Variants in CPSF7 observed in about 807,000 individuals in gnomAD.
CPSF7 encodes the protein cleavage and polyadenylation specificity factor subunit 7.
CPSF7 carries 1 observed loss-of-function variant against 44.3 expected under a neutral mutation model. The ratio of observed to expected loss-of-function variants is 0.02; its 90% CI spans 0.01 to 0.11. The LOEUF (loss-of-function observed/expected upper bound fraction) is 0.11, where lower values mean the gene tolerates loss of function less well. CPSF7 is among the 10% of genes least tolerant of loss of function. The probability of loss-of-function intolerance (pLI) is 1.00; values close to 1 mark genes in which losing one functional copy is unlikely to be tolerated. For synonymous variants in CPSF7, 202 were observed against 222.0 expected, an observed-to-expected ratio of 0.91 and a Z score of 0.80; for missense variants, 443 against 607.2, an observed-to-expected ratio of 0.73 and a Z score of 2.84.
chr11:61,411,404 A>C (rs1859836915), intron 8 of CPSF7, among the ~76,000 whole-genome samples: 2 of 152,192 alleles, frequency 1.3e-5, no homozygotes, highest in African/African-American at 2.4e-5. Context: ...CCTTTTTTAG[A>C]AAATGAGAAA....
rs369404697 is a variant in CPSF7, at chr11:61,410,182, C to T, written c.*5+756G>A. Among the ~76,000 whole-genome samples, 7 of 152,096 alleles carry T rather than the reference C, an allele frequency of 4.6e-5. No individual in the cohort carries two copies. The East Asian group carries it at 5.8e-4, about 13-fold the overall frequency. On this transcript the variant is annotated intron_variant, in intron 9 of 9. Coordinates refer to ENST00000439958, the MANE Select transcript of CPSF7 (RefSeq NM_001142565.3). Reference sequence around the variant, plus strand: ...GTGCAATCACAGATCACTGCAGCCTCGACCTCCTAGGCTCAAGCAACCCTC... The same window carrying T: ...GTGCAATCACAGATCACTGCAGCCTTGACCTCCTAGGCTCAAGCAACCCTC...
chr11:61,411,263 T>C (rs887643173), intron 8 of CPSF7, among the ~76,000 whole-genome samples, 158 bp from the exon 9 acceptor site: 1 of 152,200 alleles, frequency 6.6e-6, no homozygotes, highest in Admixed American at 6.5e-5. Flanking sequence ...GACTACTCTT[T>C]TTTGGGAAGA....
At position 61,429,567 on chromosome 11, in the gene CPSF7, G is replaced by A. The variant is rs547561349; in HGVS notation, c.-55-277C>T. ...GGAAAAGTCCCACCCTCGGGTCCTA[G>A]TGGCCCTAGGACGGCGTTGCGAAGA... On this transcript the variant is annotated intron_variant, in intron 1 of 9. Transcript: ENST00000439958. 1.9e-5 allele frequency: 12 copies of A among 625,954 alleles called. No individual in the cohort carries two copies. The South Asian group carries it at 2.3e-4, about 12-fold the overall frequency. 38.8% of individuals were successfully genotyped at this position (625,954 alleles called of 1,614,324 possible). A position where few individuals can be genotyped will look rare whatever the true frequency, so the allele number is the denominator to read the frequency against.
chr11:61,409,792 G>A (rs1590672628), intron 9 of CPSF7, among the ~76,000 whole-genome samples: 1 of 151,876 alleles, frequency 6.6e-6, no homozygotes, highest in Admixed American at 6.6e-5. Context: ...TGGCCAGTAT[G>A]GTAAAGCCCC....
chr11:61,414,259 C>T (rs531001163), intron 7 of CPSF7, among the ~76,000 whole-genome samples: 5 of 150,080 alleles, frequency 3.3e-5, no homozygotes, highest in Admixed American at 1.3e-4. Flanking sequence ...AAGCAATTCT[C>T]AATTCTCGTG....
chr11:61,427,583 G>A (rs1263175680), intron 2 of CPSF7, among the ~76,000 whole-genome samples: 1 of 151,174 alleles, frequency 6.6e-6, no homozygotes, highest in African/African-American at 2.4e-5. Flanking sequence ...AACCTGGGAG[G>A]CAGAGGTTGC....
chr11:61,409,284 C>T (rs1208464668), intron 9 of CPSF7, among the ~76,000 whole-genome samples: 1 of 151,850 alleles, frequency 6.6e-6, no homozygotes, highest in Non-Finnish European at 1.5e-5. Context: ...CCAGCCTGGC[C>T]GAGATGATGA....
chr11:61,408,125 C>T (rs1022692028), intron 9 of CPSF7, among the ~76,000 whole-genome samples: 6 of 149,794 alleles, frequency 4.0e-5, no homozygotes, highest in Non-Finnish European at 8.8e-5. Context: ...GGCGCGATCT[C>T]GGCTCACTGC....
At chr11:61,420,613 C>A in intron 3 of CPSF7, 40 bp from the exon 4 acceptor site, 1 of 1,504,958 alleles carries the variant, frequency 6.6e-7, no homozygotes, top group East Asian at 2.3e-5. Flanking sequence ...ATGTCAAGAG[C>A]TACACCCCCG....
Position 61,416,095 on chromosome 11 carries a change from T to C in CPSF7, c.938+10A>G, listed in dbSNP as rs757716124. The C allele has an allele frequency of 2.7e-6, 4 of 1,498,690 alleles. No homozygotes were observed. Among genetic ancestry groups the C allele is most frequent in the South Asian group, 1.4e-5 (1 of 70,742 alleles). 92.8% of individuals were successfully genotyped at this position (1,498,690 alleles called of 1,614,324 possible). On this transcript the variant is annotated intron_variant, in intron 6 of 9. Transcript: ENST00000439958. ...CCTGGCTCAAATCTGAAAGGAACAA[T>C]AGTCCTTACCTGCCATGGTGGTTAT...
rs529529681 is a variant in CPSF7 at position 61,404,143 on chromosome 11, A to C, written c.*567T>G. ...GCAGGAACAGAAGTAGCTTTTCATA[A>C]GGTAATTTCTGTTCTCATGGTCCCT... is the stretch of plus-strand genomic sequence containing the variant. On this transcript the variant is annotated 3_prime_UTR_variant, in exon 10 of 10. Transcript: ENST00000439958. The C allele has an allele frequency of 5.2e-5, 8 of 152,796 alleles. No homozygotes were observed. Among genetic ancestry groups the C allele is most frequent in the African/African-American group, 1.7e-4 (7 of 41,584 alleles). The allele number at this position is 152,796 out of a possible 1,614,324, so 9.5% of individuals were successfully genotyped here.
At chr11:61,427,026 C>CAAAAA (rs71471825) in intron 2 of CPSF7, 482 of 13,664 alleles carry the variant, frequency 0.035, 42 homozygotes, top group African/African-American at 0.051. Context: ...GACTCTGTCT[C>CAAAAA]AAAAAAAAAA....
chr11:61,420,992 A>G, intron 3 of CPSF7: 1 of 977,126 alleles, frequency 1.0e-6, no homozygotes, highest in Non-Finnish European at 1.4e-6. Flanking sequence ...CTTGCAGAAC[A>G]ACAGTCACCA....
intron 9 of CPSF7, among the ~76,000 whole-genome samples, chr11:61,405,179 C>G (rs941984321): frequency 6.6e-6 from 1 of 152,130 alleles, no homozygotes; most frequent in Non-Finnish European, 1.5e-5. Flanking sequence ...CAAGTATGTA[C>G]ACAACCAAAT....
At chr11:61,429,822 C>G in intron 1 of CPSF7, 92 bp downstream of exon 1, 2 of 1,548,290 alleles carry the variant, frequency 1.3e-6, no homozygotes, top group Non-Finnish European at 1.7e-6. Flanking sequence ...CAGACTCCGG[C>G]CGTCCCATCT....
intron 3 of CPSF7, 132 bp downstream of exon 3, chr11:61,421,258 C>G (rs772638064): frequency 9.7e-7 from 1 of 1,026,012 alleles, no homozygotes. Context: ...TCAATCCAAC[C>G]TGATCCCAGG....
At chr11:61,427,924 T>C (rs1861545726) in intron 2 of CPSF7, among the ~76,000 whole-genome samples, 1 of 152,240 alleles carries the variant, frequency 6.6e-6, no homozygotes. Context: ...CCGCCTCTTC[T>C]GTTGCCTCAT....
At chr11:61,421,662 C>A in intron 2 of CPSF7, 54 bp from the exon 3 acceptor site, 1 of 1,217,212 alleles carries the variant, frequency 8.2e-7, no homozygotes, top group Non-Finnish European at 1.2e-6. Context: ...TTTGTTCATT[C>A]TATTTCACTC....
intron 2 of CPSF7, among the ~76,000 whole-genome samples, chr11:61,426,060 C>T (rs114248141): frequency 0.02 from 3,056 of 152,318 alleles, 103 homozygotes; most frequent in African/African-American, 0.069. Flanking sequence ...AATCCCAGGA[C>T]TCCCTGTGTT....
Sources: allele counts gnomAD v4.1 joint callset (sites outside exome capture counted in the v4.1 genomes callset), GRCh38; gene constraint gnomAD v4.1.1; transcripts MANE v1.5; gene names NCBI Gene and HGNC (gene_info 2026-07-23, HGNC 2026-07-21).